The following ALDH1A2 variants were observed in gnomAD, a reference collection of about 807,000 sequenced individuals.
ALDH1A2 encodes retinal dehydrogenase 2.
Under a neutral mutation model 60.3 loss-of-function variants are expected in ALDH1A2, and 27 were observed. The observed-to-expected ratio is 0.45, with a 90% CI of 0.33 to 0.62. The LOEUF (loss-of-function observed/expected upper bound fraction) is 0.62. ALDH1A2 is among the 20% of genes least tolerant of loss of function. ALDH1A2 has a pLI of 0.02. For synonymous variants in ALDH1A2, 289 were observed against 232.4 expected (o/e 1.24, Z -2.21); for missense variants, 581 against 643.8 (o/e 0.90, Z 1.06).
chr15:58,036,100 A>G (rs1057123337), intron 1 of ALDH1A2, among the ~76,000 whole-genome samples: 9 of 151,706 alleles, frequency 5.9e-5, no homozygotes, highest in Non-Finnish European at 8.9e-5. Context: ...TGAAATAAAT[A>G]GGAGGCCAAA....
chr15:57,972,228 C>A (rs1159238077), intron 7 of ALDH1A2, among the ~76,000 whole-genome samples: 1 of 152,168 alleles, frequency 6.6e-6, no homozygotes, highest in Admixed American at 6.5e-5. Flanking sequence ...GGACTGGTCT[C>A]AGAATGTGCA....
chr15:57,995,227 A>C, intron 4 of ALDH1A2, 88 bp from the exon 5 acceptor site: 1 of 751,016 alleles, frequency 1.3e-6, no homozygotes, highest in South Asian at 1.5e-5. Flanking sequence ...CAAAAAAAAA[A>C]AAAAAAAAAC....
intron 1 of ALDH1A2, among the ~76,000 whole-genome samples, chr15:58,026,600 T>C (rs1307713267): frequency 2.6e-5 from 4 of 152,178 alleles, no homozygotes; most frequent in African/African-American, 9.7e-5. Context: ...GGTCAGGGGA[T>C]TTCCCTTTCC....
At chr15:57,995,032 C>T in intron 5 of ALDH1A2, 46 bp downstream of exon 5, 1 of 1,537,262 alleles carries the variant, frequency 6.5e-7, no homozygotes, top group Non-Finnish European at 9.0e-7. Context: ...TTTAAGAGAA[C>T]TGGGTCAAAT....
intron 1 of ALDH1A2, among the ~76,000 whole-genome samples, chr15:58,049,066 A>C (rs1169526828): frequency 6.6e-6 from 1 of 152,100 alleles, no homozygotes; most frequent in African/African-American, 2.4e-5. Context: ...ATATGAATGG[A>C]ATCACATAGT....
chr15:57,983,774 C>A (rs1351118287), intron 7 of ALDH1A2, among the ~76,000 whole-genome samples: 1 of 152,152 alleles, frequency 6.6e-6, no homozygotes, highest in Non-Finnish European at 1.5e-5. Flanking sequence ...ATCTCTTGGG[C>A]TAGACTGAAT....
chr15:58,026,257 T>C (rs1297758281), intron 1 of ALDH1A2, among the ~76,000 whole-genome samples: 12 of 152,162 alleles, frequency 7.9e-5, no homozygotes, highest in African/African-American at 2.4e-4. Flanking sequence ...TTACCAGGAA[T>C]GCAAGGATGG....
chr15:58,064,986 G>C (rs1897137317), intron 1 of ALDH1A2, among the ~76,000 whole-genome samples: 1 of 152,244 alleles, frequency 6.6e-6, no homozygotes, highest in Non-Finnish European at 1.5e-5. Context: ...TGGAGTTACT[G>C]TACTTATCAG....
chr15:57,963,488 C>T (rs575650834), intron 9 of ALDH1A2, among the ~76,000 whole-genome samples: 17 of 151,944 alleles, frequency 1.1e-4, no homozygotes, highest in East Asian at 3.9e-4. Flanking sequence ...TACAGGTACC[C>T]GCCACCTCGC....
Position 58,001,075 on chromosome 15 carries a change from T to G in ALDH1A2, c.494-5936A>C, listed in dbSNP as rs112867286. On this transcript the variant is annotated intron_variant, in intron 4 of 12. Transcript: ENST00000249750. ...AAAAGAATGAAAACACTATTAGAATTTCTGTAGAGCCTTATAATTTTCACA... is the reference window on the plus strand; with the variant it reads ...AAAAGAATGAAAACACTATTAGAATGTCTGTAGAGCCTTATAATTTTCACA... Among the ~76,000 whole-genome samples the G allele has an allele frequency of 5.7e-3, 816 of 144,382 alleles. 5 individuals carry two copies. The highest frequency in any genetic ancestry group is 0.019 in the Middle Eastern group (5 of 262). The allele number at this position is 144,382 out of a possible 152,430, so 94.7% of individuals were successfully genotyped here. A position where few individuals can be genotyped will look rare whatever the true frequency, so the allele number is the denominator to read the frequency against.
chr15:58,007,390 G>T (rs1895494910), intron 4 of ALDH1A2, among the ~76,000 whole-genome samples: 1 of 151,994 alleles, frequency 6.6e-6, no homozygotes, highest in Non-Finnish European at 1.5e-5. Context: ...CTGGGGTAAA[G>T]ACTTCATCAG....
At position 58,035,831 on chromosome 15, in the gene ALDH1A2, C is replaced by G. The variant is rs143007501; in HGVS notation, c.118-21550G>C. ...TGTGATTTATACCCCAGAATGTGGT[C>G]TATCTTGCTGAATGCTTTGTGAGAG... On this transcript the variant is annotated intron_variant, in intron 1 of 12. Coordinates refer to ENST00000249750, the MANE Select transcript of ALDH1A2 (RefSeq NM_003888.4). Among the ~76,000 whole-genome samples the G allele has an allele frequency of 1.5e-3, 228 of 151,716 alleles. 1 individual carries two copies. Among genetic ancestry groups the G allele is most frequent in the African/African-American group, 5.4e-3 (222 of 41,484 alleles).
At position 57,955,149 on chromosome 15, in the gene ALDH1A2, G is replaced by C; in HGVS notation, c.*48C>G. The C allele has an allele frequency of 1.3e-6, 2 of 1,566,766 alleles. No homozygotes were observed. Among genetic ancestry groups the C allele is most frequent in the Non-Finnish European group, 1.8e-6 (2 of 1,136,868 alleles). Reference sequence around the variant, plus strand: ...AGAGCTGGGCCCTACAGAGAAAGCAGAGAGGGACAGACGTGCAGGCTGGGC... The same window carrying C: ...AGAGCTGGGCCCTACAGAGAAAGCACAGAGGGACAGACGTGCAGGCTGGGC... On this transcript the variant is annotated 3_prime_UTR_variant, in exon 13 of 13. Coordinates refer to ENST00000249750, the MANE Select transcript of ALDH1A2 (RefSeq NM_003888.4).
At chr15:58,000,508 AC>A (rs1411789915) in intron 4 of ALDH1A2, among the ~76,000 whole-genome samples, 3 of 151,968 alleles carry the variant, frequency 2.0e-5, no homozygotes, top group African/African-American at 7.2e-5. Flanking sequence ...AAATTAACTC[AC>A]CTGTTAGAAA....
intron 7 of ALDH1A2, among the ~76,000 whole-genome samples, chr15:57,966,643 C>A (rs1297576964): frequency 6.6e-6 from 1 of 152,166 alleles, no homozygotes; most frequent in Non-Finnish European, 1.5e-5. Context: ...TCCAAGTGGC[C>A]CATATCCACC....
intron 12 of ALDH1A2, among the ~76,000 whole-genome samples, chr15:57,957,282 A>G (rs541520861): frequency 3.0e-4 from 45 of 152,248 alleles, no homozygotes; most frequent in African/African-American, 9.9e-4. Flanking sequence ...CTCAGTATAC[A>G]TAAGTATCAC....
chr15:58,003,316 G>C (rs1275549413), intron 4 of ALDH1A2, among the ~76,000 whole-genome samples: 1 of 151,782 alleles, frequency 6.6e-6, no homozygotes, highest in East Asian at 1.9e-4. Flanking sequence ...CTCTTATTCT[G>C]ATGGAACAAG....
At chr15:58,027,035 C>T (rs1394764217) in intron 1 of ALDH1A2, among the ~76,000 whole-genome samples, 1 of 152,174 alleles carries the variant, frequency 6.6e-6, no homozygotes, top group Non-Finnish European at 1.5e-5. Flanking sequence ...GTTTTCCCAG[C>T]ACGGTGTTTG....
At chr15:58,027,236 T>G (rs1273466893) in intron 1 of ALDH1A2, among the ~76,000 whole-genome samples, 1 of 152,192 alleles carries the variant, frequency 6.6e-6, no homozygotes, top group Non-Finnish European at 1.5e-5. Flanking sequence ...CTGCAGTCTC[T>G]GCTGGTGATA....
Sources: allele counts gnomAD v4.1 joint callset (sites outside exome capture counted in the v4.1 genomes callset), GRCh38; gene constraint gnomAD v4.1.1; transcripts MANE v1.5; gene names NCBI Gene and HGNC (gene_info 2026-07-23, HGNC 2026-07-21).